Variants in ITGAM observed in about 807,000 individuals in gnomAD.
ITGAM encodes integrin alpha-M.
ITGAM carries 79 observed loss-of-function variants against 137.5 expected under a neutral mutation model. The ratio of observed to expected loss-of-function variants is 0.57; its 90% confidence interval spans 0.48 to 0.69. The LOEUF (loss-of-function observed/expected upper bound fraction) is 0.69. ITGAM is among the 30% of genes least tolerant of loss of function. The pLI is 0.00. For missense variants in ITGAM, 1,343 were observed against 1,483.5 expected, an observed-to-expected ratio of 0.91 and a Z score of 1.56; for synonymous variants, 583 against 592.3, an observed-to-expected ratio of 0.98 and a Z score of 0.23.
At chr16:31,328,689 T>C (rs2080538018) in intron 23 of ITGAM, among the ~76,000 whole-genome samples, 1 of 150,360 alleles carries the variant, frequency 6.7e-6, no homozygotes, top group East Asian at 2.0e-4. Flanking sequence ...TGGGTGTGTA[T>C]TTGTGCATGT....
At chr16:31,295,605 G>A (rs2080125184) in intron 12 of ITGAM, among the ~76,000 whole-genome samples, 1 of 149,838 alleles carries the variant, frequency 6.7e-6, no homozygotes, top group Non-Finnish European at 1.5e-5. Context: ...AGTTTTTAGG[G>A]TTTTTTAAAA....
intron 12 of ITGAM, among the ~76,000 whole-genome samples, chr16:31,288,842 T>G (rs1313230066): frequency 1.3e-5 from 2 of 151,736 alleles, no homozygotes; most frequent in Non-Finnish European, 2.9e-5. Context: ...TGGGAGAAAA[T>G]TTTTGCAATC....
At chr16:31,323,874 G>C (rs963031842) in intron 16 of ITGAM, among the ~76,000 whole-genome samples, 1 of 152,034 alleles carries the variant, frequency 6.6e-6, no homozygotes, top group East Asian at 1.9e-4. Flanking sequence ...TTAGCACGGC[G>C]TGGTGGCATG....
chr16:31,296,251 C>A (rs902184476), intron 12 of ITGAM, among the ~76,000 whole-genome samples: 2 of 149,496 alleles, frequency 1.3e-5, no homozygotes, highest in Admixed American at 1.3e-4. Context: ...ACTATAGGCG[C>A]CCGCCACCAT....
At chr16:31,288,251 G>T (rs921516138) in intron 12 of ITGAM, among the ~76,000 whole-genome samples, 1 of 152,090 alleles carries the variant, frequency 6.6e-6, no homozygotes, top group African/African-American at 2.4e-5. Flanking sequence ...TCCCAGACAT[G>T]CAGGGCTTGT....
chr16:31,328,556 T>A (rs1339118278), intron 23 of ITGAM, among the ~76,000 whole-genome samples: 6 of 151,814 alleles, frequency 4.0e-5, no homozygotes, highest in East Asian at 3.9e-4. Flanking sequence ...TGCGTGTGTG[T>A]GAGGATCCTT....
chr16:31,302,442 TCTTTCTTTCTTC>T (rs1351132817), intron 14 of ITGAM, among the ~76,000 whole-genome samples: 1 of 105,206 alleles, frequency 9.5e-6, no homozygotes, highest in African/African-American at 6.7e-5. Flanking sequence ...TTTCTTTCTT[TCTTTCTTTCTTC>T]CTTCCTTTCT....
intron 14 of ITGAM, among the ~76,000 whole-genome samples, chr16:31,315,412 A>G (rs1174298769): frequency 6.6e-6 from 1 of 152,050 alleles, no homozygotes; most frequent in Non-Finnish European, 1.5e-5. Context: ...TTATAGTGTT[A>G]GATCTTACAT....
At chr16:31,311,327 T>C (rs1377603832) in intron 14 of ITGAM, among the ~76,000 whole-genome samples, 8 of 152,094 alleles carry the variant, frequency 5.3e-5, no homozygotes, top group African/African-American at 7.2e-5. Flanking sequence ...CAAAAGAAAC[T>C]ACCATCAGAG....
chr16:31,277,410 G>C (rs967076164), intron 11 of ITGAM, among the ~76,000 whole-genome samples: 1 of 151,192 alleles, frequency 6.6e-6, no homozygotes, highest in African/African-American at 2.4e-5. Flanking sequence ...CCAGGCTGGA[G>C]TGCAATGGCG....
intron 12 of ITGAM, among the ~76,000 whole-genome samples, chr16:31,282,123 A>C (rs1369100158): frequency 6.6e-6 from 1 of 152,144 alleles, no homozygotes; most frequent in Admixed American, 6.6e-5. Context: ...TTTGCTGAGG[A>C]GTGCTTTACT....
At chr16:31,328,887 T>C in intron 23 of ITGAM, 1 of 442,336 alleles carries the variant, frequency 2.3e-6, no homozygotes, top group Non-Finnish European at 4.2e-6. Context: ...TGTGCATGAG[T>C]GTGTATTCGT....
At position 31,325,288 on chromosome 16, in the gene ITGAM, C is replaced by T; in HGVS notation, c.2389C>T (p.Pro797Ser). ...CCTGGACTGCCTCGTGGTGGGTGGGCCCCGGGAGTTCAACGTGACAGTGAC... is the reference window on the plus strand; with the variant it reads ...CCTGGACTGCCTCGTGGTGGGTGGGTCCCGGGAGTTCAACGTGACAGTGAC... The part of the protein sequence containing the change: ...MSLDCLVVGG[P>S]REFNVTVTVR... Residue 797 changes from proline to serine, a missense_variant, in exon 20 of 30, where the codon CCC becomes TCC. Coordinates refer to ENST00000544665, the MANE Select transcript of ITGAM (RefSeq NM_000632.4). The T allele has an allele frequency of 1.9e-6, 3 of 1,613,146 alleles. No homozygotes were observed. Among genetic ancestry groups the T allele is most frequent in the Non-Finnish European group, 2.5e-6 (3 of 1,179,410 alleles).
chr16:31,272,959 G>C (rs2079867725), intron 7 of ITGAM, among the ~76,000 whole-genome samples: 1 of 151,914 alleles, frequency 6.6e-6, no homozygotes, highest in Admixed American at 6.6e-5. Flanking sequence ...ACCTCGCCTA[G>C]CTGTATCTGT....
intron 9 of ITGAM, among the ~76,000 whole-genome samples, chr16:31,275,965 C>T (rs1223858643): frequency 1.3e-5 from 2 of 152,128 alleles, no homozygotes; most frequent in East Asian, 3.8e-4. Flanking sequence ...AGTATTTTAA[C>T]AAAAATTTGG....
At chr16:31,270,589 C>T (rs1352781364) in intron 5 of ITGAM, among the ~76,000 whole-genome samples, 2 of 150,448 alleles carry the variant, frequency 1.3e-5, no homozygotes, top group African/African-American at 4.9e-5. Context: ...TCATAGCTCA[C>T]TGAAGCCTCA....
chr16:31,281,100 T>A (rs1398767635), intron 12 of ITGAM, among the ~76,000 whole-genome samples: 1 of 152,202 alleles, frequency 6.6e-6, no homozygotes, highest in African/African-American at 2.4e-5. Flanking sequence ...CTTTTTGATG[T>A]GCTGCTGGAT....
Position 31,325,599 on chromosome 16 carries a change from C to G in ITGAM, c.2605C>G (p.Pro869Ala). 6.2e-7 allele frequency: 1 copy of G among 1,613,888 alleles called. No individual in the cohort carries two copies. The highest frequency in any genetic ancestry group is 8.5e-7 in the Non-Finnish European group (1 of 1,179,846). Residue 869 changes from proline to alanine, a missense_variant, in exon 21 of 30, where the codon CCC becomes GCC. Coordinates refer to ENST00000544665, the MANE Select transcript of ITGAM (RefSeq NM_000632.4). ...LKSTSCSINH[P>A]IFPENSEVTF... The stretch of plus-strand genomic sequence containing the variant: ...GAGCACCAGCTGCAGCATAAACCAC[C>G]CCATCTTCCCGGAAAACTCAGAGGT...
In ITGAM at chr16:31,330,281, C is replaced by T. The variant is rs769671442; in HGVS notation, c.3061-27C>T. 8.1e-6 allele frequency: 13 copies of T among 1,595,702 alleles called. No individual in the cohort carries two copies. In the South Asian group the frequency reaches 9.9e-5, roughly 12 times the overall value. On this transcript the variant is annotated intron_variant, in intron 26 of 29. Coordinates refer to ENST00000544665, the MANE Select transcript of ITGAM (RefSeq NM_000632.4). Reference sequence around the variant, plus strand: ...GTTCTCTGCCTTCGGCTTCCTTACCCGTCCCCTCCCCTCCTGCGTTCCCCA... The same window carrying T: ...GTTCTCTGCCTTCGGCTTCCTTACCTGTCCCCTCCCCTCCTGCGTTCCCCA...
Sources: allele counts gnomAD v4.1 joint callset (sites outside exome capture counted in the v4.1 genomes callset), GRCh38; gene constraint gnomAD v4.1.1; transcripts MANE v1.5; gene names NCBI Gene and HGNC (gene_info 2026-07-23, HGNC 2026-07-21).